The following RIC8B variants were observed in gnomAD, a reference collection of about 807,000 sequenced individuals.
RIC8B encodes chaperone Ric-8B.
RIC8B carries 16 observed loss-of-function variants against 57.5 expected under a neutral mutation model. The observed-to-expected ratio is 0.28, with a 90% CI of 0.19 to 0.42. The LOEUF (loss-of-function observed/expected upper bound fraction) is 0.42. RIC8B is among the 10% of genes least tolerant of loss of function. RIC8B has a pLI of 1.00. For missense variants in RIC8B, 481 were observed against 677.0 expected (o/e 0.71, Z 3.21); for synonymous variants, 216 against 250.8 (o/e 0.86, Z 1.31).
intron 9 of RIC8B, among the ~76,000 whole-genome samples, chr12:106,884,169 G>T (rs1202684718): frequency 3.9e-5 from 6 of 152,196 alleles, no homozygotes; most frequent in African/African-American, 1.2e-4. Context: ...CTTCATCTCA[G>T]GAGCTGCCTC....
At chr12:106,873,819 G>A (rs180895554) in intron 9 of RIC8B, among the ~76,000 whole-genome samples, 59 of 152,286 alleles carry the variant, frequency 3.9e-4, no homozygotes, top group African/African-American at 1.3e-3. Flanking sequence ...CTGTTTCACA[G>A]GAAAGCTAGC....
At position 106,834,191 on chromosome 12, in the gene RIC8B, A is replaced by G. The variant is rs142070362; in HGVS notation, c.836+8371A>G. ...GTAGTTGTGAATTCATGTTACAGAT[A>G]ATTTCCAGTTTTTCTAAAACTAGTT... On this transcript the variant is annotated intron_variant, in intron 4 of 9. Transcript: ENST00000392837. Among the ~76,000 whole-genome samples the G allele has an allele frequency of 5.3e-5, 8 of 152,326 alleles. No homozygotes were observed. In the East Asian group the frequency reaches 1.5e-3, roughly 29 times the overall value.
intron 6 of RIC8B, among the ~76,000 whole-genome samples, chr12:106,851,189 G>A (rs548139542): frequency 7.2e-5 from 11 of 152,140 alleles, no homozygotes; most frequent in South Asian, 6.2e-4. Flanking sequence ...ACAAAAACTC[G>A]GAAATTCTCT....
chr12:106,863,238 G>C (rs1475888447), intron 8 of RIC8B, among the ~76,000 whole-genome samples: 1 of 152,052 alleles, frequency 6.6e-6, no homozygotes, highest in Non-Finnish European at 1.5e-5. Flanking sequence ...ATCTTTAAAA[G>C]GCTGCTTTGT....
At position 106,815,159 on chromosome 12, in the gene RIC8B, C is replaced by A; in HGVS notation, c.596C>A (p.Ala199Asp). The change falls in exon 3 of 10, where the codon GCC becomes GAC. Residue 199 changes from alanine to aspartate, a missense_variant. This residue lies in a region of RIC8B where 421 missense variants were observed against 560.9 expected (regional missense o/e 0.75). Coordinates refer to ENST00000392837, the MANE Select transcript of RIC8B (RefSeq NM_001330145.2). ...CTGCTAACGCAGATCTTGGAAAGTGCCTTTAGCATCAAGTGGACCGATGAG... is the reference window on the plus strand; with the variant it reads ...CTGCTAACGCAGATCTTGGAAAGTGACTTTAGCATCAAGTGGACCGATGAG... ...LPLLTQILES[A>D]FSIKWTDEYE... 3.1e-6 allele frequency: 5 copies of A among 1,614,222 alleles called. No homozygotes were observed. The highest frequency in any genetic ancestry group is 4.2e-6 in the Non-Finnish European group (5 of 1,180,042).
intron 4 of RIC8B, among the ~76,000 whole-genome samples, chr12:106,835,847 A>G (rs2046574235): frequency 6.6e-6 from 1 of 152,198 alleles, no homozygotes; most frequent in East Asian, 1.9e-4. Flanking sequence ...GTTAAAAGGT[A>G]TTTCACTGAG....
At chr12:106,829,524 A>G (rs1234349630) in intron 4 of RIC8B, among the ~76,000 whole-genome samples, 3 of 152,220 alleles carry the variant, frequency 2.0e-5, no homozygotes, top group Admixed American at 6.5e-5. Flanking sequence ...TGTCTCACAT[A>G]TTGAAGGGGA....
intron 3 of RIC8B, among the ~76,000 whole-genome samples, chr12:106,817,937 A>G (rs1647059479): frequency 6.6e-6 from 1 of 152,228 alleles, no homozygotes; most frequent in South Asian, 2.1e-4. Flanking sequence ...CACAAAAGAC[A>G]GTTTACTTCA....
At chr12:106,819,238 C>G (rs1246379769) in intron 3 of RIC8B, among the ~76,000 whole-genome samples, 2 of 152,038 alleles carry the variant, frequency 1.3e-5, no homozygotes, top group African/African-American at 4.8e-5. Context: ...TAGCAGTGGC[C>G]TCTGGGAGTA....
chr12:106,784,126 A>G, intron 2 of RIC8B, 82 bp downstream of exon 2: 1 of 1,252,596 alleles, frequency 8.0e-7, no homozygotes, highest in Admixed American at 1.9e-5. Flanking sequence ...TCATGTTTTC[A>G]TCTGATGGTT....
intron 2 of RIC8B, among the ~76,000 whole-genome samples, chr12:106,789,463 C>A (rs1028401610): frequency 6.6e-6 from 1 of 152,110 alleles, no homozygotes; most frequent in African/African-American, 2.4e-5. Context: ...TAAAGACATA[C>A]CCGAGACTGG....
intron 2 of RIC8B, among the ~76,000 whole-genome samples, chr12:106,798,242 A>G (rs938588822): frequency 1.3e-5 from 2 of 152,116 alleles, no homozygotes; most frequent in African/African-American, 4.8e-5. Context: ...AATTTTGATC[A>G]GATGCTGAGC....
intron 2 of RIC8B, among the ~76,000 whole-genome samples, chr12:106,802,808 A>G (rs1453600796): frequency 1.3e-5 from 2 of 152,044 alleles, no homozygotes; most frequent in Admixed American, 6.6e-5. Context: ...CATTTAGCCT[A>G]TCTGGGAGTC....
chr12:106,812,845 C>T (rs1292108445), intron 2 of RIC8B, among the ~76,000 whole-genome samples: 1 of 152,098 alleles, frequency 6.6e-6, no homozygotes, highest in Non-Finnish European at 1.5e-5. Context: ...AAGAGAAAGT[C>T]CTTTCTAAAT....
chr12:106,842,619 A>G lies in RIC8B; in HGVS notation c.867A>G (p.Pro289=), dbSNP rs17038800. ...CAGTCAACCTTTTAAGCAATGTTCC[A>G]GTCTCTTGTTTGGATGTTCTCATTT... ...SNAVNLLSNV[P]VSCLDVLICP... Residue 289 remains proline, a synonymous_variant, in exon 5 of 10, where the codon CCA becomes CCG. Transcript: ENST00000392837. 0.01 allele frequency: 16,608 copies of G among 1,613,304 alleles called. 399 individuals carry two copies. Among genetic ancestry groups the G allele is most frequent in the African/African-American group, 0.086 (6,451 of 74,984 alleles).
chr12:106,834,321 T>C lies in RIC8B; in HGVS notation c.837-8268T>C, dbSNP rs145129836. 2.2e-3 allele frequency among the ~76,000 whole-genome samples: 334 copies of C among 152,328 alleles called. 1 individual carries two copies. Among genetic ancestry groups the C allele is most frequent in the African/African-American group, 7.8e-3 (324 of 41,574 alleles). Reference sequence around the variant, plus strand: ...TTGCTTATACTAATTATCTTCAATGTTGGTGTCTTTGTATTATAGGAATTA... The same window carrying C: ...TTGCTTATACTAATTATCTTCAATGCTGGTGTCTTTGTATTATAGGAATTA... On this transcript the variant is annotated intron_variant, in intron 4 of 9. Coordinates refer to ENST00000392837, the MANE Select transcript of RIC8B (RefSeq NM_001330145.2).
chr12:106,825,576 C>T (rs2046058301), intron 3 of RIC8B, 150 bp from the exon 4 acceptor site: 1 of 582,812 alleles, frequency 1.7e-6, no homozygotes, highest in Non-Finnish European at 3.2e-6. Flanking sequence ...ATTAGTATTG[C>T]CTCAGGAATT....
intron 2 of RIC8B, among the ~76,000 whole-genome samples, chr12:106,801,044 C>A (rs140210154): frequency 6.6e-6 from 1 of 152,058 alleles, no homozygotes; most frequent in African/African-American, 2.4e-5. Flanking sequence ...ATGAAGATAC[C>A]GCTGTATTTG....
At chr12:106,876,313 A>AGG (rs1242989524) in intron 9 of RIC8B, among the ~76,000 whole-genome samples, 2 of 152,184 alleles carry the variant, frequency 1.3e-5, no homozygotes, top group Non-Finnish European at 2.9e-5. Context: ...TAGGTTACAT[A>AGG]TGGAAATGAT....
Sources: allele counts gnomAD v4.1 joint callset (sites outside exome capture counted in the v4.1 genomes callset), GRCh38; gene constraint gnomAD v4.1.1; regional missense constraint gnomAD v4.1.1; transcripts MANE v1.5; gene names NCBI Gene and HGNC (gene_info 2026-07-23, HGNC 2026-07-21).